Variants in FRMPD4 observed in about 807,000 individuals in gnomAD.
The protein encoded by FRMPD4 is FERM and PDZ domain containing 4.
Under a neutral mutation model 94.1 loss-of-function variants are expected in FRMPD4, and 22 were observed. That is an observed-to-expected ratio of 0.23 (90% CI 0.17 to 0.33). The LOEUF is 0.33. Ranked by LOEUF, FRMPD4 falls within the 10% of genes least tolerant of loss-of-function variation. The pLI, the probability that FRMPD4 is intolerant of heterozygous loss-of-function variation, is 1.00. For missense variants in FRMPD4, 1,111 were observed against 1,339.9 expected, an observed-to-expected ratio of 0.83 and a Z score of 2.67; for synonymous variants, 631 against 548.6, an observed-to-expected ratio of 1.15 and a Z score of -2.10.
intron 3 of FRMPD4, among the ~76,000 whole-genome samples, chrX:12,093,685 T>C (rs1253793580): frequency 9.1e-6 from 1 of 109,955 alleles, no homozygotes; most frequent in Non-Finnish European, 1.9e-5. Context: ...GCATATGTAG[T>C]ATGACAGAAG....
intron 2 of FRMPD4, among the ~76,000 whole-genome samples, chrX:12,605,934 A>T (rs2059128688): frequency 8.9e-6 from 1 of 112,083 alleles, no homozygotes; most frequent in Non-Finnish European, 1.9e-5. Context: ...TAGCGTGAAC[A>T]CTTTCTTTTT....
At chrX:12,620,574 T>C (rs1334872546) in intron 4 of FRMPD4, among the ~76,000 whole-genome samples, 1 of 111,796 alleles carries the variant, frequency 8.9e-6, no homozygotes, top group Non-Finnish European at 1.9e-5. Flanking sequence ...TTAATGAAGA[T>C]CCTAGAAGCA....
At chrX:12,607,832 G>C (rs2059145544) in intron 2 of FRMPD4, among the ~76,000 whole-genome samples, 1 of 112,110 alleles carries the variant, frequency 8.9e-6, no homozygotes, top group Admixed American at 9.4e-5. Context: ...CTTCCTTTCT[G>C]TTTAAAATGG....
At chrX:11,828,532 T>C (rs1477322713) in intron 1 of FRMPD4, among the ~76,000 whole-genome samples, 25 of 112,198 alleles carry the variant, frequency 2.2e-4, no homozygotes, top group Non-Finnish European at 9.4e-5. Context: ...TTCAGAACTA[T>C]ACAGGCACTG....
chrX:12,034,392 C>T (rs913581908), intron 3 of FRMPD4, among the ~76,000 whole-genome samples: 1 of 112,092 alleles, frequency 8.9e-6, no homozygotes, highest in Non-Finnish European at 1.9e-5. Flanking sequence ...ATTTCCTAAA[C>T]ATTATCTGTA....
chrX:12,394,407 C>G (rs749438512), intron 1 of FRMPD4, among the ~76,000 whole-genome samples: 37 of 111,619 alleles, frequency 3.3e-4, no homozygotes, highest in Non-Finnish European at 5.7e-4. Flanking sequence ...TTTTTTTCCC[C>G]TCTCATGAAG....
chrX:12,513,185 T>C (rs188423757), intron 2 of FRMPD4, among the ~76,000 whole-genome samples: 6 of 112,412 alleles, frequency 5.3e-5, no homozygotes, highest in African/African-American at 1.9e-4. Flanking sequence ...ACTCTGATGA[T>C]AGTTTATTTT....
At chrX:12,505,760 G>C (rs1054438671) in intron 2 of FRMPD4, among the ~76,000 whole-genome samples, 25 of 104,653 alleles carry the variant, frequency 2.4e-4, no homozygotes, top group African/African-American at 8.4e-4. Context: ...GGGGGGGAGA[G>C]CAACTGAGAC....
chrX:12,038,923 C>A (rs1304512492), intron 3 of FRMPD4, among the ~76,000 whole-genome samples: 1 of 108,665 alleles, frequency 9.2e-6, no homozygotes, highest in Non-Finnish European at 1.9e-5. Context: ...CCCCTTTGAT[C>A]TTTATGGTTT....
chrX:12,496,453 GCTT>G (rs1487611321), intron 1 of FRMPD4, among the ~76,000 whole-genome samples: 6 of 111,496 alleles, frequency 5.4e-5, no homozygotes, highest in African/African-American at 2.0e-4. Context: ...GCTGCCAGGT[GCTT>G]CTTTTCAGCT....
intron 4 of FRMPD4, among the ~76,000 whole-genome samples, chrX:12,629,630 A>G (rs769565616): frequency 8.9e-6 from 1 of 112,288 alleles, no homozygotes; most frequent in Non-Finnish European, 1.9e-5. Context: ...TTGAATTATC[A>G]TTGTCCTCAT....
At chrX:12,266,436 A>C (rs2054278222) in intron 1 of FRMPD4, among the ~76,000 whole-genome samples, 1 of 111,433 alleles carries the variant, frequency 9.0e-6, no homozygotes, top group Non-Finnish European at 1.9e-5. Context: ...CAGTGTAGAC[A>C]TGCCCTTCCT....
chrX:12,409,436 G>C (rs1367103158), intron 1 of FRMPD4, among the ~76,000 whole-genome samples: 1 of 112,180 alleles, frequency 8.9e-6, no homozygotes, highest in Admixed American at 9.4e-5. Flanking sequence ...TCTTACTTTA[G>C]AGATCAAGTT....
chrX:12,648,630 G>A (rs1343067962), intron 4 of FRMPD4, among the ~76,000 whole-genome samples: 4 of 112,300 alleles, frequency 3.6e-5, no homozygotes, highest in African/African-American at 1.3e-4. Flanking sequence ...ACCTGTCAAC[G>A]TTATTGTGGA....
At position 12,138,708 on chromosome X, in the gene FRMPD4, C is replaced by T. The variant is rs1364330764; in HGVS notation, c.-264C>T. 9.9e-6 allele frequency: 3 copies of T among 303,080 alleles called. No individual in the cohort carries two copies. The highest frequency in any genetic ancestry group is 1.7e-5 in the Non-Finnish European group (3 of 174,950). 25.0% of individuals were successfully genotyped at this position (303,080 alleles called of 1,213,427 possible). ...CCCGCCCCCGCCTCTTGCGCCCTGC[C>T]TGGCTCCCTCTCCATTGAGTTTTCC... On this transcript the variant is annotated 5_prime_UTR_variant, in exon 1 of 17. Transcript: ENST00000675598.
chrX:12,239,207 G>T (rs758813733), intron 1 of FRMPD4, among the ~76,000 whole-genome samples: 2 of 112,311 alleles, frequency 1.8e-5, no homozygotes, highest in East Asian at 5.6e-4. Context: ...CACTTAGGAA[G>T]TTATGCCATC....
At chrX:11,921,316 C>T (rs2054054967) in intron 3 of FRMPD4, among the ~76,000 whole-genome samples, 1 of 112,209 alleles carries the variant, frequency 8.9e-6, no homozygotes, top group Non-Finnish European at 1.9e-5. Context: ...TGGCCTTTTT[C>T]TGTGTACATG....
At chrX:12,229,387 T>G (rs759715896) in intron 1 of FRMPD4, among the ~76,000 whole-genome samples, 2 of 111,938 alleles carry the variant, frequency 1.8e-5, no homozygotes, top group South Asian at 3.8e-4. Context: ...ATGTTAGATG[T>G]GTTAAATGAA....
intron 1 of FRMPD4, among the ~76,000 whole-genome samples, chrX:11,851,120 A>G (rs756055519): frequency 8.9e-6 from 1 of 111,861 alleles, no homozygotes; most frequent in East Asian, 2.8e-4. Flanking sequence ...TGCTAGAGGG[A>G]GCAGGCCCAG....
Sources: gnomAD v4.1 joint callset for allele counts (sites outside exome capture counted in the v4.1 genomes callset) on GRCh38, gnomAD v4.1.1 for gene constraint, MANE v1.5 for transcripts, NCBI Gene and HGNC (gene_info 2026-07-23, HGNC 2026-07-21) for gene names.